The following GLRA2 variants were observed in gnomAD, a reference collection of about 807,000 sequenced individuals.
GLRA2 encodes the protein glycine receptor subunit alpha-2.
In GLRA2, 11 loss-of-function variants were observed where a neutral mutation model predicts 31.6. That is an observed-to-expected ratio of 0.35 (90% confidence interval 0.22 to 0.58). The LOEUF (loss-of-function observed/expected upper bound fraction) is 0.58. Ranked by LOEUF, GLRA2 falls within the 20% of genes least tolerant of loss-of-function variation. The pLI, the probability that GLRA2 is intolerant of heterozygous loss-of-function variation, is 0.84. For synonymous variants in GLRA2, 132 were observed against 134.0 expected (o/e 0.99, Z 0.10); for missense variants, 212 against 351.8 (o/e 0.60, Z 3.18).
At chrX:14,658,966 T>C (rs959980279) in intron 7 of GLRA2, among the ~76,000 whole-genome samples, 7 of 111,859 alleles carry the variant, frequency 6.3e-5, no homozygotes, top group East Asian at 2.8e-4. Flanking sequence ...ATCCAGAATA[T>C]GAACCTACTC....
chrX:14,461,232 GTTC>G, the GLRA2 span, among the ~76,000 whole-genome samples: 57 of 111,888 alleles, frequency 5.1e-4, no homozygotes, highest in Admixed American at 1.3e-3. Context: ...TGTGATTTCT[GTTC>G]TTTTACATTT....
the GLRA2 span, among the ~76,000 whole-genome samples, chrX:14,512,124 C>T: frequency 6.3e-5 from 7 of 111,561 alleles, no homozygotes; most frequent in South Asian, 2.6e-3. Context: ...AGAATTCCTA[C>T]CATTTATGTA....
At chrX:14,461,908 T>A in the GLRA2 span, among the ~76,000 whole-genome samples, 1 of 112,184 alleles carries the variant, frequency 8.9e-6, no homozygotes. Context: ...TAGCTGGTTA[T>A]TTTGCCTGTT....
At chrX:14,681,015 G>T (rs750195849) in intron 7 of GLRA2, among the ~76,000 whole-genome samples, 9 of 111,847 alleles carry the variant, frequency 8.0e-5, no homozygotes, top group Non-Finnish European at 1.5e-4. Context: ...ATATATAACT[G>T]GAAATGCTGT....
At chrX:14,553,091 C>T (rs2089588748) in intron 2 of GLRA2, among the ~76,000 whole-genome samples, 1 of 111,459 alleles carries the variant, frequency 9.0e-6, no homozygotes, top group Admixed American at 9.5e-5. Flanking sequence ...GAGGGACAAC[C>T]GTATTCGGCT....
At chrX:14,567,396 A>G (rs1006480074) in intron 2 of GLRA2, among the ~76,000 whole-genome samples, 8 of 112,160 alleles carry the variant, frequency 7.1e-5, no homozygotes, top group Non-Finnish European at 9.4e-5. Flanking sequence ...AAATTCCAAC[A>G]TCCTTTAATG....
At chrX:14,563,137 C>T (rs1048561831) in intron 2 of GLRA2, among the ~76,000 whole-genome samples, 2 of 112,377 alleles carry the variant, frequency 1.8e-5, no homozygotes, top group Non-Finnish European at 3.8e-5. Context: ...AATATGTGTG[C>T]TCAGAAAAGA....
chrX:14,700,783 G>T (rs1601856334), intron 8 of GLRA2, among the ~76,000 whole-genome samples: 1 of 110,468 alleles, frequency 9.1e-6, no homozygotes, highest in East Asian at 2.8e-4. Flanking sequence ...TTTTTTGTTG[G>T]TTGGTTGGTT....
rs189457852 is a variant in GLRA2, at chrX:14,546,470, T to C, written c.202+14098T>C. ...CCGCAGAGTGTATGAATTTGTGACTTGGGGCAAATATCCTAAACCCTATTA... is the reference window on the plus strand; with the variant it reads ...CCGCAGAGTGTATGAATTTGTGACTCGGGGCAAATATCCTAAACCCTATTA... On this transcript the variant is annotated intron_variant, in intron 2 of 8. Coordinates refer to ENST00000218075, the MANE Select transcript of GLRA2 (RefSeq NM_002063.4). 3.0e-4 allele frequency among the ~76,000 whole-genome samples: 33 copies of C among 111,392 alleles called. No individual in the cohort carries two copies. In the East Asian group the frequency reaches 9.1e-3, roughly 31 times the overall value.
the GLRA2 span, among the ~76,000 whole-genome samples, chrX:14,457,372 C>A: frequency 9.2e-6 from 1 of 109,072 alleles, no homozygotes; most frequent in Non-Finnish European, 1.9e-5. Context: ...CCCACGGGCC[C>A]CAGTGAGTGA....
intron 7 of GLRA2, among the ~76,000 whole-genome samples, chrX:14,658,606 T>C (rs780346717): frequency 8.1e-5 from 9 of 111,315 alleles, no homozygotes; most frequent in Non-Finnish European, 1.7e-4. Flanking sequence ...TCCTTTTTCT[T>C]TCCAAATCTA....
At position 14,724,022 on chromosome X, in the gene GLRA2, C is replaced by T. The variant is rs766445000; in HGVS notation, c.1081-6185C>T. On this transcript the variant is annotated intron_variant, in intron 8 of 8. Transcript: ENST00000218075. The stretch of plus-strand genomic sequence containing the variant: ...CACAGTGCCTGGCATCTCTGCAAGC[C>T]TTTTCCAACCACTCAATCTAAAACA... Among the ~76,000 whole-genome samples the T allele has an allele frequency of 4.5e-5, 5 of 111,943 alleles. No homozygotes were observed. The East Asian group carries it at 1.4e-3, about 32-fold the overall frequency.
chrX:14,526,577 G>T (rs1481737099), upstream of GLRA2, among the ~76,000 whole-genome samples: 1 of 111,581 alleles, frequency 9.0e-6, no homozygotes. Flanking sequence ...AATCAATAGG[G>T]CTTGGTGAAG....
chrX:14,562,797 T>C (rs2089750379), intron 2 of GLRA2, among the ~76,000 whole-genome samples: 1 of 111,484 alleles, frequency 9.0e-6, no homozygotes, highest in African/African-American at 3.3e-5. Context: ...CACTTAAACT[T>C]AACTAACCCT....
intron 7 of GLRA2, among the ~76,000 whole-genome samples, chrX:14,623,387 T>C (rs913863940): frequency 3.0e-4 from 33 of 111,475 alleles, no homozygotes; most frequent in Non-Finnish European, 5.7e-4. Context: ...CAACACTATG[T>C]TGAATAGGAG....
At chrX:14,561,998 T>C (rs1187586383) in intron 2 of GLRA2, among the ~76,000 whole-genome samples, 2 of 112,724 alleles carry the variant, frequency 1.8e-5, no homozygotes, top group East Asian at 5.5e-4. Context: ...GAATGCTTGC[T>C]ATCTTTGAAA....
the GLRA2 span, among the ~76,000 whole-genome samples, chrX:14,506,904 C>T: frequency 8.9e-6 from 1 of 111,733 alleles, no homozygotes; most frequent in African/African-American, 3.3e-5. Flanking sequence ...GCCCCAGACA[C>T]AGTACATTGG....
rs139452647 is a variant in GLRA2, at chrX:14,615,143, A to G, written c.930+5938A>G. ...CTCTTAATTTTAGACTTTTATCCCT[A>G]TGAGGGCAAGGACTTCATTGCTCTT... On this transcript the variant is annotated intron_variant, in intron 7 of 8. Transcript: ENST00000218075. Among the ~76,000 whole-genome samples, 88 of 111,903 alleles carry G rather than the reference A, an allele frequency of 7.9e-4. 1 individual carries two copies. The highest frequency in any genetic ancestry group is 2.7e-3 in the African/African-American group (83 of 30,891).
chrX:14,523,792 C>T, the GLRA2 span, among the ~76,000 whole-genome samples: 1 of 111,197 alleles, frequency 9.0e-6, no homozygotes, highest in Non-Finnish European at 1.9e-5. Context: ...TTCATGGTGC[C>T]CCCAAACAAT....
Sources: gnomAD v4.1 joint callset for allele counts (sites outside exome capture counted in the v4.1 genomes callset) on GRCh38, gnomAD v4.1.1 for gene constraint, MANE v1.5 for transcripts, NCBI Gene and HGNC (gene_info 2026-07-23, HGNC 2026-07-21) for gene names.